Variants in NIPAL2 observed in about 807,000 individuals in gnomAD.
The protein encoded by NIPAL2 is NIPA-like protein 2.
NIPAL2 carries 43 observed loss-of-function variants against 48.9 expected under a neutral mutation model. That is an observed-to-expected ratio of 0.88 (90% CI 0.69 to 1.13). The LOEUF is 1.13. Ranked by LOEUF, NIPAL2 falls within the 50% of genes most tolerant of loss-of-function variation. NIPAL2 has a pLI of 0.00. For missense variants in NIPAL2, 446 were observed against 461.4 expected (o/e 0.97, Z 0.31); for synonymous variants, 167 against 174.6 (o/e 0.96, Z 0.34).
intron 9 of NIPAL2, among the ~76,000 whole-genome samples, chr8:98,195,086 C>A (rs1415034593): frequency 1.3e-5 from 2 of 152,196 alleles, no homozygotes; most frequent in Non-Finnish European, 2.9e-5. Context: ...CTTGGGGACA[C>A]CCTGTCTCAT....
At position 98,248,367 on chromosome 8, in the gene NIPAL2, C is replaced by A. The variant is rs573502208; in HGVS notation, c.376+4096G>T. ...GAATAAGGTATTTTATTTATCTACACGATAATAATTACAAATCATAGTGAC... is the reference window on the plus strand; with the variant it reads ...GAATAAGGTATTTTATTTATCTACAAGATAATAATTACAAATCATAGTGAC... On this transcript the variant is annotated intron_variant, in intron 3 of 10. Coordinates refer to ENST00000430223, the MANE Select transcript of NIPAL2 (RefSeq NM_001321635.2). Among the ~76,000 whole-genome samples, 6 of 152,300 alleles carry A rather than the reference C, an allele frequency of 3.9e-5. No homozygotes were observed. The South Asian group carries it at 1.2e-3, about 32-fold the overall frequency.
chr8:98,293,450 A>G (rs1816597092), intron 1 of NIPAL2, among the ~76,000 whole-genome samples: 1 of 152,210 alleles, frequency 6.6e-6, no homozygotes, highest in Non-Finnish European at 1.5e-5. Flanking sequence ...AAAGAATGAG[A>G]GTCCTGCAAA....
intron 5 of NIPAL2, among the ~76,000 whole-genome samples, chr8:98,217,471 A>G (rs1241486688): frequency 6.6e-6 from 1 of 152,242 alleles, no homozygotes; most frequent in Non-Finnish European, 1.5e-5. Context: ...ATAGAGTTAG[A>G]TGAATGATAT....
At chr8:98,217,067 C>T (rs1811614446) in intron 5 of NIPAL2, 1 of 985,466 alleles carries the variant, frequency 1.0e-6, no homozygotes, top group Non-Finnish European at 1.2e-6. Flanking sequence ...CTCCACTCCT[C>T]TTTGCATTTT....
chr8:98,288,219 T>G (rs1167849906), intron 1 of NIPAL2, among the ~76,000 whole-genome samples: 1 of 123,908 alleles, frequency 8.1e-6, no homozygotes, highest in African/African-American at 3.1e-5. Context: ...GTCCCCAGAG[T>G]GTGATATTCC....
chr8:98,274,271 CTCTA>C (rs368552051), intron 1 of NIPAL2, among the ~76,000 whole-genome samples: 282 of 151,486 alleles, frequency 1.9e-3, no homozygotes, highest in Admixed American at 4.3e-3. Flanking sequence ...CTATCTATCT[CTCTA>C]TCTATCTATC....
At chr8:98,202,345 AC>A (rs1043281302) in intron 8 of NIPAL2, among the ~76,000 whole-genome samples, 26 of 152,092 alleles carry the variant, frequency 1.7e-4, no homozygotes, top group African/African-American at 6.3e-4. Flanking sequence ...ACTCAAGAGG[AC>A]CTTTCAGTTG....
intron 1 of NIPAL2, among the ~76,000 whole-genome samples, chr8:98,265,790 C>T (rs1814684979): frequency 7.0e-6 from 1 of 141,964 alleles, no homozygotes; most frequent in Non-Finnish European, 1.5e-5. Context: ...GGGTATATAC[C>T]CAAAGGACTA....
chr8:98,236,933 C>T (rs1812748946), intron 3 of NIPAL2, among the ~76,000 whole-genome samples: 1 of 151,858 alleles, frequency 6.6e-6, no homozygotes, highest in African/African-American at 2.4e-5. Flanking sequence ...CCAGCATCTC[C>T]TCCTATAATT....
At chr8:98,220,224 G>A (rs533719601) in intron 5 of NIPAL2, among the ~76,000 whole-genome samples, 2 of 152,188 alleles carry the variant, frequency 1.3e-5, no homozygotes, top group Non-Finnish European at 2.9e-5. Context: ...AACTGCTTCG[G>A]TCCTGTACTT....
intron 3 of NIPAL2, among the ~76,000 whole-genome samples, chr8:98,241,308 A>G (rs960650818): frequency 2.0e-5 from 3 of 152,242 alleles, no homozygotes; most frequent in Non-Finnish European, 4.4e-5. Context: ...CACATAGGGG[A>G]AAGTCCAAAT....
At chr8:98,250,007 A>G (rs1586400036) in intron 3 of NIPAL2, among the ~76,000 whole-genome samples, 1 of 152,108 alleles carries the variant, frequency 6.6e-6, no homozygotes, top group Non-Finnish European at 1.5e-5. Context: ...TGTGAACCAG[A>G]CTGTCTAAGG....
rs1158815402 is a variant in NIPAL2 at position 98,191,930 on chromosome 8, A to G, written c.*1048T>C. The G allele has an allele frequency of 6.6e-6, 1 of 151,968 alleles. No individual in the cohort carries two copies. Among genetic ancestry groups the G allele is most frequent in the Non-Finnish European group, 1.5e-5 (1 of 67,994 alleles). The allele number at this position is 151,968 out of a possible 1,614,324, so 9.4% of individuals were successfully genotyped here. On this transcript the variant is annotated 3_prime_UTR_variant, in exon 11 of 11. Coordinates refer to ENST00000430223, the MANE Select transcript of NIPAL2 (RefSeq NM_001321635.2). ...GCTGAAATTCAGTTCTCTAATCACA[A>G]CTCTCCTTTTATCTAGAAGAATTTA... is the stretch of plus-strand genomic sequence containing the variant.
At chr8:98,281,632 A>G (rs1815835575) in intron 1 of NIPAL2, among the ~76,000 whole-genome samples, 1 of 152,222 alleles carries the variant, frequency 6.6e-6, no homozygotes, top group Non-Finnish European at 1.5e-5. Flanking sequence ...GGCACCCACA[A>G]AAATTAAAAA....
intron 7 of NIPAL2, among the ~76,000 whole-genome samples, 176 bp downstream of exon 7, chr8:98,204,935 C>G (rs569275969): frequency 1.3e-5 from 2 of 152,218 alleles, no homozygotes; most frequent in East Asian, 3.9e-4. Flanking sequence ...CATAAAAACT[C>G]ATTATTGGAT....
chr8:98,241,649 G>A (rs2443567), intron 3 of NIPAL2, among the ~76,000 whole-genome samples: 133,756 of 152,256 alleles, frequency 0.88, 59,051 homozygotes, highest in Non-Finnish European at 0.9. Flanking sequence ...TAATCAGTAG[G>A]ATATTATGCA....
chr8:98,267,379 A>G (rs1323430151), intron 1 of NIPAL2, among the ~76,000 whole-genome samples: 1 of 150,224 alleles, frequency 6.7e-6, no homozygotes, highest in Non-Finnish European at 1.5e-5. Flanking sequence ...GGTGGGGTTC[A>G]GTGGTATGAT....
intron 2 of NIPAL2, among the ~76,000 whole-genome samples, chr8:98,252,940 T>G (rs1367897415): frequency 6.6e-6 from 1 of 152,120 alleles, no homozygotes; most frequent in Admixed American, 6.5e-5. Flanking sequence ...TCATACATTT[T>G]AAATTGCATG....
chr8:98,212,644 A>G (rs1811377066), intron 5 of NIPAL2, 143 bp from the exon 6 acceptor site: 1 of 548,138 alleles, frequency 1.8e-6, no homozygotes, highest in East Asian at 3.0e-5. Flanking sequence ...GGAGAGCAGT[A>G]TAAGCACCTC....
Sources: allele counts gnomAD v4.1 joint callset (sites outside exome capture counted in the v4.1 genomes callset), GRCh38; gene constraint gnomAD v4.1.1; transcripts MANE v1.5; gene names NCBI Gene and HGNC (gene_info 2026-07-23, HGNC 2026-07-21).